The following MYOM2 variants were observed in gnomAD, a reference collection of about 807,000 sequenced individuals.
MYOM2 encodes the protein myomesin-2.
Under a neutral mutation model 187.6 loss-of-function variants are expected in MYOM2, and 254 were observed. The observed-to-expected ratio is 1.35, with a 90% CI of 1.22 to 1.50. MYOM2 has a LOEUF of 1.50. Ranked by LOEUF, MYOM2 falls within the 40% of genes most tolerant of loss-of-function variation. The pLI, the probability that MYOM2 is intolerant of heterozygous loss-of-function variation, is 0.00. For synonymous variants in MYOM2, 981 were observed against 753.8 expected (o/e 1.30, Z -4.94); for missense variants, 2,796 against 1,924.0 (o/e 1.45, Z -8.48).
chr8:2,070,291 C>T (rs1819169007), intron 8 of MYOM2, among the ~76,000 whole-genome samples: 1 of 152,268 alleles, frequency 6.6e-6, no homozygotes, highest in South Asian at 2.1e-4. Flanking sequence ...GGCTTAGTTG[C>T]TCTGGGCCAC....
intron 19 of MYOM2, 58 bp from the exon 20 acceptor site, chr8:2,100,818 C>G: frequency 6.4e-7 from 1 of 1,574,266 alleles, no homozygotes; most frequent in South Asian, 1.1e-5. Flanking sequence ...CTGGGTTGGG[C>G]GGTGGGTGTG....
intron 3 of MYOM2, among the ~76,000 whole-genome samples, chr8:2,055,042 G>C (rs1298751529): frequency 9.9e-6 from 1 of 101,386 alleles, no homozygotes; most frequent in Non-Finnish European, 2.3e-5. Flanking sequence ...GGGGAACCAA[G>C]TACCTGGATA....
intron 23 of MYOM2, among the ~76,000 whole-genome samples, chr8:2,107,134 T>A (rs1297649234): frequency 1.3e-5 from 2 of 152,162 alleles, no homozygotes; most frequent in Non-Finnish European, 2.9e-5. Context: ...GGTTCACAGG[T>A]CTGAGTTCAC....
At chr8:2,124,148 C>G in intron 30 of MYOM2, 31 bp from the exon 31 acceptor site, 1 of 1,600,334 alleles carries the variant, frequency 6.2e-7, no homozygotes, top group South Asian at 1.1e-5. Context: ...AGTTACATGT[C>G]GTAATGGTGC....
chr8:2,070,048 C>T (rs1035231893), intron 8 of MYOM2, among the ~76,000 whole-genome samples: 9 of 152,176 alleles, frequency 5.9e-5, no homozygotes, highest in Admixed American at 1.3e-4. Context: ...TGTAATGAGG[C>T]GAAGCCCTCT....
intron 13 of MYOM2, among the ~76,000 whole-genome samples, chr8:2,081,625 G>A (rs1337920971): frequency 6.6e-6 from 1 of 152,202 alleles, no homozygotes; most frequent in Non-Finnish European, 1.5e-5. Flanking sequence ...TTCTGTAAAG[G>A]CCATTGAGAA....
In MYOM2 at chr8:2,119,899, A is replaced by G. The variant is rs534385149; in HGVS notation, c.3453+1947A>G. Among the ~76,000 whole-genome samples, 3 of 152,116 alleles carry G rather than the reference A, an allele frequency of 2.0e-5. No individual in the cohort carries two copies. The South Asian group carries it at 6.2e-4, about 32-fold the overall frequency. On this transcript the variant is annotated intron_variant, in intron 28 of 36. Transcript: ENST00000262113. ...TGAGGGGGCGGGGGGGATGCCAAAA[A>G]CCAGGGCAGAGCAAGCGGCAGATCC...
At chr8:2,079,446 C>A in intron 12 of MYOM2, 114 bp from the exon 13 acceptor site, 1 of 996,086 alleles carries the variant, frequency 1.0e-6, no homozygotes, top group Non-Finnish European at 1.6e-6. Flanking sequence ...CCAGAGGACT[C>A]ACAGGTTGTA....
Position 2,092,367 on chromosome 8 carries a change from G to A in MYOM2, c.1850G>A (p.Arg617Gln), listed in dbSNP as rs147556451. Residue 617 changes from arginine (R) to glutamine (Q), a missense_variant, in exon 16 of 37, where the codon CGG (arginine) becomes CAG (glutamine). Arg to Gln is a conservative substitution (Grantham distance 43). Transcript: ENST00000262113. ...DVTVVPSAPG[R>Q]VLASRNTKTS... ...AAAGTTGTCCCTTCTGCTCCGGGTC[G>A]GGTTCTTGCTTCCCGAAACACCAAG... is the stretch of plus-strand genomic sequence containing the variant. 3.7e-6 allele frequency: 6 copies of A among 1,613,850 alleles called. No individual in the cohort carries two copies. The highest frequency in any genetic ancestry group is 1.3e-5 in the African/African-American group (1 of 74,896).
At chr8:2,123,493 A>T in intron 29 of MYOM2, 62 bp from the exon 30 acceptor site, 1 of 1,508,914 alleles carries the variant, frequency 6.6e-7, no homozygotes, top group Non-Finnish European at 9.2e-7. Context: ...ATTAGAGTTT[A>T]TTACGTTTTC....
intron 25 of MYOM2, among the ~76,000 whole-genome samples, chr8:2,110,995 C>G (rs2116818618): frequency 6.6e-6 from 1 of 152,336 alleles, no homozygotes; most frequent in South Asian, 2.1e-4. Context: ...AGTGGTATAA[C>G]TATTGCCTAT....
intron 25 of MYOM2, among the ~76,000 whole-genome samples, chr8:2,111,905 A>T (rs1028433817): frequency 6.6e-6 from 1 of 152,262 alleles, no homozygotes; most frequent in South Asian, 2.1e-4. Context: ...TGTGTGATCT[A>T]CATCTCTGAT....
In MYOM2 at chr8:2,100,972, G is replaced by C. The variant is rs746137012; in HGVS notation, c.2537G>C (p.Gly846Ala). 3 of 1,614,210 alleles carry C rather than the reference G, an allele frequency of 1.9e-6. No individual in the cohort carries two copies. Among genetic ancestry groups the C allele is most frequent in the Non-Finnish European group, 2.5e-6 (3 of 1,180,028 alleles). Reference protein sequence around the residue: ...PVYSGSSPVSGYFVDFREEDA... With the variant: ...PVYSGSSPVSAYFVDFREEDA... ...TACTCCGGCAGCAGCCCTGTTTCTG[G>C]ATATTTCGTGGACTTCAGGGAGGAG... The change falls in exon 20 of 37, where the codon GGA becomes GCA. Residue 846 changes from glycine (G) to alanine (A), a missense_variant. Physicochemically the swap from Gly to Ala is moderately conservative, Grantham distance 60. Transcript: ENST00000262113.
chr8:2,096,008 C>G (rs562311188), intron 17 of MYOM2, among the ~76,000 whole-genome samples: 1 of 152,272 alleles, frequency 6.6e-6, no homozygotes, highest in East Asian at 1.9e-4. Flanking sequence ...AGTAGATACA[C>G]TTAGAAATAG....
chr8:2,138,829 G>C (rs74509300), intron 32 of MYOM2, among the ~76,000 whole-genome samples: 10,936 of 150,714 alleles, frequency 0.073, 714 homozygotes, highest in African/African-American at 0.16. Flanking sequence ...AAGTCTCAGG[G>C]TGAAGCCAAT....
intron 23 of MYOM2, among the ~76,000 whole-genome samples, chr8:2,107,397 TG>T (rs1487517539): frequency 6.6e-6 from 1 of 152,162 alleles, no homozygotes; most frequent in East Asian, 1.9e-4. Context: ...ATGGCATAAA[TG>T]ATCTCCAGGG....
chr8:2,051,770 C>T (rs1329803050), intron 2 of MYOM2, among the ~76,000 whole-genome samples: 1 of 152,124 alleles, frequency 6.6e-6, no homozygotes, highest in African/African-American at 2.4e-5. Context: ...CGGGCATGTG[C>T]GGGGTATGGG....
At chr8:2,068,640 C>T (rs1418497396) in intron 6 of MYOM2, among the ~76,000 whole-genome samples, 1 of 152,236 alleles carries the variant, frequency 6.6e-6, no homozygotes, top group Non-Finnish European at 1.5e-5. Context: ...TGCACGTGTG[C>T]ACCAGGATCA....
intron 6 of MYOM2, among the ~76,000 whole-genome samples, chr8:2,063,482 C>G (rs1034636521): frequency 1.3e-5 from 2 of 152,144 alleles, no homozygotes; most frequent in Non-Finnish European, 2.9e-5. Flanking sequence ...GATGTGAGCC[C>G]TCATTCTTCA....
Sources: gnomAD v4.1 joint callset for allele counts (sites outside exome capture counted in the v4.1 genomes callset) on GRCh38, gnomAD v4.1.1 for gene constraint, MANE v1.5 for transcripts, NCBI Gene and HGNC (gene_info 2026-07-23, HGNC 2026-07-21) for gene names.